OCIAD2: variants seen among roughly 807,000 people sequenced by gnomAD.
OCIAD2 encodes OCIA domain containing 2, also known as OCIA domain-containing protein 2.
Under a neutral mutation model 22.9 loss-of-function variants are expected in OCIAD2, and 29 were observed. That is an observed-to-expected ratio of 1.27 (90% CI 0.94 to 1.73). OCIAD2 has a LOEUF of 1.73. OCIAD2 is among the 40% of genes most tolerant of loss of function. OCIAD2 has a pLI of 0.00. For synonymous variants in OCIAD2, 67 were observed against 60.2 expected (o/e 1.11, Z -0.52); for missense variants, 189 against 180.3 (o/e 1.05, Z -0.28).
At chr4:48,906,261 G>A (rs1192259423) in intron 1 of OCIAD2, among the ~76,000 whole-genome samples, 3 of 152,142 alleles carry the variant, frequency 2.0e-5, no homozygotes, top group African/African-American at 7.2e-5. Flanking sequence ...TTTCCTCAGT[G>A]GTGGGGAAGG....
intron 4 of OCIAD2, among the ~76,000 whole-genome samples, chr4:48,896,594 C>G (rs754055814): frequency 6.6e-6 from 1 of 151,872 alleles, no homozygotes; most frequent in Non-Finnish European, 1.5e-5. Flanking sequence ...AACAAACAAA[C>G]GAACCAAAAA....
intron 4 of OCIAD2, among the ~76,000 whole-genome samples, chr4:48,895,530 A>G (rs77391509): frequency 0.028 from 4,197 of 152,234 alleles, 202 homozygotes; most frequent in African/African-American, 0.095. Flanking sequence ...GGCTGAACAC[A>G]TCCTTTTTAT....
intron 6 of OCIAD2, among the ~76,000 whole-genome samples, chr4:48,889,629 G>A (rs1420316103): frequency 6.6e-6 from 1 of 152,232 alleles, no homozygotes; most frequent in Non-Finnish European, 1.5e-5. Context: ...AGGATGTGGA[G>A]AAATAGGAAC....
chr4:48,900,564 G>A (rs1270836296), intron 2 of OCIAD2, among the ~76,000 whole-genome samples: 1 of 150,916 alleles, frequency 6.6e-6, no homozygotes, highest in Non-Finnish European at 1.5e-5. Context: ...TAGTTCTGTA[G>A]TATTTTTTGG....
intron 6 of OCIAD2, among the ~76,000 whole-genome samples, chr4:48,888,819 C>G (rs1025756054): frequency 1.3e-5 from 2 of 152,092 alleles, no homozygotes; most frequent in South Asian, 2.1e-4. Context: ...GTGTCTGTGC[C>G]AGGCTTTGGT....
Position 48,885,584 on chromosome 4 carries a change from T to TA in OCIAD2, c.384-20dup. ...GCAGTGCCTAGAAGAGAAGCAAAAA[T>TA]AGACAGCGGTTTGTACTTTGACACT... On this transcript the variant is annotated intron_variant, in intron 6 of 6. Transcript: ENST00000508632. 1 of 1,411,770 alleles carries TA rather than the reference T, an allele frequency of 7.1e-7. No homozygotes were observed. Among genetic ancestry groups the TA allele is most frequent in the South Asian group, 1.2e-5 (1 of 86,160 alleles). 87.5% of individuals were successfully genotyped at this position (1,411,770 alleles called of 1,614,324 possible).
At chr4:48,898,845 A>C (rs750589742) in intron 3 of OCIAD2, among the ~76,000 whole-genome samples, 50 of 152,208 alleles carry the variant, frequency 3.3e-4, no homozygotes, top group Admixed American at 1.0e-3. Context: ...TTTCAAAAGC[A>C]GAGAGTAGTG....
chr4:48,887,760 G>C (rs1461261521), intron 6 of OCIAD2, among the ~76,000 whole-genome samples: 4 of 152,200 alleles, frequency 2.6e-5, no homozygotes, highest in Non-Finnish European at 5.9e-5. Context: ...ATAGTTTGAA[G>C]TCAGGTAGCA....
At chr4:48,905,702 C>T (rs1781509862) in intron 1 of OCIAD2, among the ~76,000 whole-genome samples, 1 of 152,232 alleles carries the variant, frequency 6.6e-6, no homozygotes, top group Non-Finnish European at 1.5e-5. Context: ...ACATCAGTTA[C>T]TAAACTTTGA....
At chr4:48,899,794 T>A (rs762923916) in intron 3 of OCIAD2, 35 bp downstream of exon 3, 1 of 1,467,676 alleles carries the variant, frequency 6.8e-7, no homozygotes, top group Non-Finnish European at 9.5e-7. Flanking sequence ...ATTTAGGCAG[T>A]TTACTGCCAC....
intron 6 of OCIAD2, among the ~76,000 whole-genome samples, chr4:48,888,856 T>C (rs1286275925): frequency 6.6e-6 from 1 of 152,234 alleles, no homozygotes; most frequent in East Asian, 1.9e-4. Context: ...CCTCATAAAA[T>C]GAGTTAGGGA....
chr4:48,885,814 GC>G (rs1780969962), intron 6 of OCIAD2, among the ~76,000 whole-genome samples: 1 of 152,106 alleles, frequency 6.6e-6, no homozygotes, highest in Non-Finnish European at 1.5e-5. Flanking sequence ...TATAGTCTAT[GC>G]TAAAGTTCAC....
intron 3 of OCIAD2, among the ~76,000 whole-genome samples, chr4:48,898,058 T>C (rs552771447): frequency 6.6e-6 from 1 of 152,348 alleles, no homozygotes; most frequent in East Asian, 1.9e-4. Flanking sequence ...TCACTTACCC[T>C]GAGGCACAGC....
At chr4:48,887,124 C>A (rs1269758395) in intron 6 of OCIAD2, among the ~76,000 whole-genome samples, 1 of 152,192 alleles carries the variant, frequency 6.6e-6, no homozygotes, top group Admixed American at 6.5e-5. Flanking sequence ...TGTCTTTTGG[C>A]TGCATAAATG....
chr4:48,904,640 C>A, intron 1 of OCIAD2, 29 bp from the exon 2 acceptor site: 1 of 1,137,470 alleles, frequency 8.8e-7, no homozygotes, highest in East Asian at 2.3e-5. Context: ...AATCACTATG[C>A]CATGACTAAA....
intron 6 of OCIAD2, among the ~76,000 whole-genome samples, chr4:48,886,244 G>C (rs543396837): frequency 1.3e-4 from 20 of 152,192 alleles, no homozygotes; most frequent in African/African-American, 4.6e-4. Flanking sequence ...GTAGATGTGT[G>C]GTATTATTTC....
chr4:48,894,841 T>C (rs901255820), intron 4 of OCIAD2, among the ~76,000 whole-genome samples: 1 of 152,184 alleles, frequency 6.6e-6, no homozygotes, highest in African/African-American at 2.4e-5. Flanking sequence ...GTTAGAATAA[T>C]GGCCTTTTAG....
At chr4:48,900,218 A>G (rs888919045) in intron 2 of OCIAD2, among the ~76,000 whole-genome samples, 1 of 151,854 alleles carries the variant, frequency 6.6e-6, no homozygotes, top group Non-Finnish European at 1.5e-5. Context: ...CTGAGGCCAC[A>G]TTTCCTTCCC....
At chr4:48,902,084 T>A (rs1016419023) in intron 2 of OCIAD2, among the ~76,000 whole-genome samples, 4 of 152,126 alleles carry the variant, frequency 2.6e-5, no homozygotes, top group African/African-American at 7.2e-5. Context: ...GTTTTTTTTT[T>A]AAATTTAACT....
Sources: gnomAD v4.1 joint callset for allele counts (sites outside exome capture counted in the v4.1 genomes callset) on GRCh38, gnomAD v4.1.1 for gene constraint, MANE v1.5 for transcripts, NCBI Gene and HGNC (gene_info 2026-07-23, HGNC 2026-07-21) for gene names.